Variants in NAXE observed in about 807,000 individuals in gnomAD.
NAXE encodes the protein NAD(P)H-hydrate epimerase.
Under a neutral mutation model 31.2 loss-of-function variants are expected in NAXE, and 25 were observed. That is an observed-to-expected ratio of 0.80 (90% CI 0.58 to 1.12). The LOEUF is 1.12. Ranked by LOEUF, NAXE falls within the 50% of genes most tolerant of loss-of-function variation. The pLI is 0.00. For synonymous variants in NAXE, 144 were observed against 154.5 expected, an observed-to-expected ratio of 0.93 and a Z score of 0.50; for missense variants, 362 against 376.1, an observed-to-expected ratio of 0.96 and a Z score of 0.31.
intron 4 of NAXE, 91 bp from the exon 5 acceptor site, chr1:156,593,317 G>T (rs1337217384): frequency 2.0e-6 from 3 of 1,485,288 alleles, no homozygotes; most frequent in Non-Finnish European, 2.7e-6. Flanking sequence ...GTGCCTCTGA[G>T]AATGGTCTGC....
chr1:156,593,576 G>C (rs369523294), intron 5 of NAXE, 21 bp downstream of exon 5: 4 of 1,613,914 alleles, frequency 2.5e-6, no homozygotes, highest in South Asian at 1.1e-5. Context: ...CCAGAAGGTG[G>C]GGTGGGGGAG....
Position 156,594,138 on chromosome 1 carries a change from G to C in NAXE, c.*54G>C. ...AAAGACTTAGAGCCCCTCTCTTCCA[G>C]AACTGTGGATTCCTGGGAGCTCCTC... On this transcript the variant is annotated 3_prime_UTR_variant, in exon 6 of 6. Coordinates refer to ENST00000368235, the MANE Select transcript of NAXE (RefSeq NM_144772.3). 1 of 1,579,110 alleles carries C rather than the reference G, an allele frequency of 6.3e-7. No individual in the cohort carries two copies. Among genetic ancestry groups the C allele is most frequent in the Non-Finnish European group, 8.7e-7 (1 of 1,151,724 alleles).
chr1:156,592,695 C>T (rs774491992), intron 4 of NAXE, 25 bp downstream of exon 4: 1 of 1,572,096 alleles, frequency 6.4e-7, no homozygotes, highest in Admixed American at 1.7e-5. Context: ...TTGAATACCT[C>T]CATCCTACAG....
At chr1:156,592,844 G>A (rs2102490212) in intron 4 of NAXE, 174 bp downstream of exon 4, 1 of 610,420 alleles carries the variant, frequency 1.6e-6, no homozygotes, top group Non-Finnish European at 2.8e-6. Flanking sequence ...TGTGCTCCAT[G>A]AGTCCCACAC....
rs1677348354 is a variant in NAXE at position 156,592,271 on chromosome 1, T to A, written c.291+62T>A. 3 of 1,606,918 alleles carry A rather than the reference T, an allele frequency of 1.9e-6. No homozygotes were observed. The African/African-American group carries it at 4.0e-5, about 22-fold the overall frequency. The stretch of plus-strand genomic sequence containing the variant: ...GGGAGGAGTCACTGTCCCAGCCCCC[T>A]GGCCTAGGCACAAAGGGGTGGGAGA... On this transcript the variant is annotated intron_variant, in intron 2 of 5. Coordinates refer to ENST00000368235, the MANE Select transcript of NAXE (RefSeq NM_144772.3).
intron 4 of NAXE, 45 bp from the exon 5 acceptor site, chr1:156,593,359 CTGTT>C (rs1183723113): frequency 6.3e-7 from 1 of 1,586,152 alleles, no homozygotes; most frequent in Non-Finnish European, 8.6e-7. Context: ...CCAGTTAAGG[CTGTT>C]TGTGCAGCTG....
At position 156,592,424 on chromosome 1, in the gene NAXE, G is replaced by A. The variant is rs749303284; in HGVS notation, c.351G>A (p.Pro117=). Residue 117 remains proline (P), a synonymous_variant, in exon 3 of 6, where the codon CCG becomes CCA. Coordinates refer to ENST00000368235, the MANE Select transcript of NAXE (RefSeq NM_144772.3). ...CTACTGTCCTGGTCATCTGTGGCCC[G>A]GGGAATAATGGAGGAGATGGTCTGG... The part of the protein sequence containing the change: ...SPPTVLVICG[P]GNNGGDGLVC... 4 of 1,614,194 alleles carry A rather than the reference G, an allele frequency of 2.5e-6. No individual in the cohort carries two copies. Among genetic ancestry groups the A allele is most frequent in the Non-Finnish European group, 2.5e-6 (3 of 1,180,034 alleles).
chr1:156,593,736 C>A, intron 5 of NAXE, 146 bp from the exon 6 acceptor site: 1 of 1,308,384 alleles, frequency 7.6e-7, no homozygotes, highest in Non-Finnish European at 1.1e-6. Context: ...GAAGAGACCA[C>A]GGCCCAAGGG....
chr1:156,593,895 G>A lies in NAXE; in HGVS notation c.678G>A (p.Glu226=), dbSNP rs747239956. 5.0e-6 allele frequency: 8 copies of A among 1,614,138 alleles called. No individual in the cohort carries two copies. The East Asian group carries it at 8.9e-5, about 18-fold the overall frequency. Reference sequence around the variant, plus strand: ...CCCTCTTTTCAGGATGGGACGTGGAGAAGGGAAATGCTGGAGGGATCCAGC... The same window carrying A: ...CCCTCTTTTCAGGATGGGACGTGGAAAAGGGAAATGCTGGAGGGATCCAGC... ...SIDIPSGWDV[E]KGNAGGIQPD... Residue 226 remains glutamate (E), a synonymous_variant, in exon 6 of 6, where the codon GAG becomes GAA. Coordinates refer to ENST00000368235, the MANE Select transcript of NAXE (RefSeq NM_144772.3).
At position 156,592,510 on chromosome 1, in the gene NAXE, G is replaced by A. The variant is rs1474830126; in HGVS notation, c.402+35G>A. The A allele has an allele frequency of 3.1e-6, 5 of 1,613,256 alleles. No homozygotes were observed. The East Asian group carries it at 6.7e-5, about 22-fold the overall frequency. On this transcript the variant is annotated intron_variant, in intron 3 of 5. Transcript: ENST00000368235. ...TGGGGAGGGGCTGTGGGGGAGGAGG[G>A]CGTGAGGGCTCTGGGATCTGGGGTT...
Position 156,593,871 on chromosome 1 carries a change from C to T in NAXE, c.665-11C>T, listed in dbSNP as rs753611728. 3.1e-6 allele frequency: 5 copies of T among 1,613,356 alleles called. No individual in the cohort carries two copies. The East Asian group carries it at 1.1e-4, about 36-fold the overall frequency. On this transcript the variant is annotated splice_polypyrimidine_tract_variant and intron_variant, in intron 5 of 5. Transcript: ENST00000368235. ...CATCTGGCCTCTTCCTGAACACCAC[C>T]CTCTTTTCAGGATGGGACGTGGAGA...
Position 156,593,523 on chromosome 1 carries a change from C to T in NAXE, c.632C>T (p.Thr211Ile), listed in dbSNP as rs747377910. ...ATCCTGAGTGTCCTGAAGGGACTCA[C>T]TGTGCCCATTGCCAGCATCGACATT... Reference protein sequence around the residue: ...HSILSVLKGLTVPIASIDIPS... With the variant: ...HSILSVLKGLIVPIASIDIPS... Residue 211 changes from threonine (T) to isoleucine (I), a missense_variant, in exon 5 of 6, where the codon ACT becomes ATT. Transcript: ENST00000368235. 7 of 1,614,094 alleles carry T rather than the reference C, an allele frequency of 4.3e-6. No individual in the cohort carries two copies. Among genetic ancestry groups the T allele is most frequent in the Non-Finnish European group, 5.9e-6 (7 of 1,180,050 alleles).
At position 156,594,049 on chromosome 1, in the gene NAXE, T is replaced by C; in HGVS notation, c.832T>C (p.Tyr278His). 1.2e-6 allele frequency: 2 copies of C among 1,613,504 alleles called. No individual in the cohort carries two copies. The highest frequency in any genetic ancestry group is 1.7e-6 in the Non-Finnish European group (2 of 1,179,786). The part of the protein sequence containing the change: ...EKKYQLNLPP[Y>H]PDTECVYRLQ ...GAAGTACCAGCTGAACCTGCCACCC[T>C]ACCCTGACACCGAGTGTGTCTATCG... The change falls in exon 6 of 6, where the codon TAC becomes CAC. Residue 278 changes from tyrosine (Y) to histidine (H), a missense_variant. By Grantham distance (83) the Tyr-to-His change is moderately conservative. Transcript: ENST00000368235.
Position 156,593,444 on chromosome 1 carries a change from G to A in NAXE, c.553G>A (p.Asp185Asn). 1 of 1,614,118 alleles carries A rather than the reference G, an allele frequency of 6.2e-7. No individual in the cohort carries two copies. Among genetic ancestry groups the A allele is most frequent in the Non-Finnish European group, 8.5e-7 (1 of 1,180,014 alleles). Residue 185 changes from aspartate (D) to asparagine (N), a missense_variant, in exon 5 of 6, where the codon GAT becomes AAT. Asp to Asn is a conservative substitution (Grantham distance 23). Coordinates refer to ENST00000368235, the MANE Select transcript of NAXE (RefSeq NM_144772.3). ...TGATGAACTGTATGAGCTGGTGGTGGATGCCATCTTTGGCTTCAGCTTCAA... is the reference window on the plus strand; with the variant it reads ...TGATGAACTGTATGAGCTGGTGGTGAATGCCATCTTTGGCTTCAGCTTCAA... ...TIDELYELVV[D>N]AIFGFSFKGD...
At position 156,591,857 on chromosome 1, in the gene NAXE, G is replaced by C. The variant is rs1284824097; in HGVS notation, c.53G>C (p.Arg18Pro). Residue 18 changes from arginine (R) to proline (P), a missense_variant, in exon 1 of 6, where the codon CGC becomes CCC. Arg to Pro is a moderately radical substitution (Grantham distance 103). Transcript: ENST00000368235. ...CTCGGGCTGCTGGTTGCGGGCTCGC[G>C]CGTGCCGCGGATCAAAAGCCAGACC... The part of the protein sequence containing the change: ...LGLGLLVAGS[R>P]VPRIKSQTIA... The C allele has an allele frequency of 6.2e-7, 1 of 1,610,844 alleles. No homozygotes were observed. The highest frequency in any genetic ancestry group is 8.5e-7 in the Non-Finnish European group (1 of 1,179,428).
Position 156,594,176 on chromosome 1 carries a change from T to A in NAXE, c.*92T>A. 1 of 1,385,040 alleles carries A rather than the reference T, an allele frequency of 7.2e-7. No homozygotes were observed. Among genetic ancestry groups the A allele is most frequent in the South Asian group, 1.3e-5 (1 of 79,434 alleles). The allele number at this position is 1,385,040 out of a possible 1,614,324, so 85.8% of individuals were successfully genotyped here. On this transcript the variant is annotated 3_prime_UTR_variant, in exon 6 of 6. Transcript: ENST00000368235. Reference sequence around the variant, plus strand: ...CTGGGAGCTCCTCTGGCAATAAAAGTCAGTGAATGGTGGAAGTCAGAGACC... The same window carrying A: ...CTGGGAGCTCCTCTGGCAATAAAAGACAGTGAATGGTGGAAGTCAGAGACC...
Position 156,591,835 on chromosome 1 carries a change from G to T in NAXE, c.31G>T (p.Gly11Trp), listed in dbSNP as rs1414114650. The T allele has an allele frequency of 1.2e-6, 2 of 1,607,986 alleles. No homozygotes were observed. Among genetic ancestry groups the T allele is most frequent in the East Asian group, 2.2e-5 (1 of 44,796 alleles). ...CAGGCTGCGGGCGCTGCTGGGCCTCGGGCTGCTGGTTGCGGGCTCGCGCGT... is the reference window on the plus strand; with the variant it reads ...CAGGCTGCGGGCGCTGCTGGGCCTCTGGCTGCTGGTTGCGGGCTCGCGCGT... MSRLRALLGLGLLVAGSRVPR... is the reference protein window; with the variant it reads MSRLRALLGLWLLVAGSRVPR... Residue 11 changes from glycine to tryptophan, a missense_variant, in exon 1 of 6, where the codon GGG becomes TGG. Coordinates refer to ENST00000368235, the MANE Select transcript of NAXE (RefSeq NM_144772.3).
rs886041064 is a variant in NAXE at position 156,593,544 on chromosome 1, A to T, written c.653A>T (p.Asp218Val). The T allele has an allele frequency of 1.2e-6, 2 of 1,614,164 alleles. No individual in the cohort carries two copies. The highest frequency in any genetic ancestry group is 8.5e-7 in the Non-Finnish European group (1 of 1,180,038). The part of the protein sequence containing the change: ...KGLTVPIASI[D>V]IPSGWDVEKG... ...CTCACTGTGCCCATTGCCAGCATCG[A>T]CATTCCCTCAGGTGCTGGGATCCAG... is the stretch of plus-strand genomic sequence containing the variant. Residue 218 changes from aspartate (D) to valine (V), a missense_variant, in exon 5 of 6, where the codon GAC becomes GTC. Transcript: ENST00000368235.
In NAXE at chr1:156,592,566, C is replaced by T. The variant is rs1677361334; in HGVS notation, c.412C>T (p.Pro138Ser). 2.5e-6 allele frequency: 4 copies of T among 1,614,066 alleles called. No individual in the cohort carries two copies. The highest frequency in any genetic ancestry group is 3.4e-6 in the Non-Finnish European group (4 of 1,179,978). ...ACCACTTTCTTCCTAGGGCTACGAG[C>T]CAACCATCTATTACCCCAAAAGGCC... The part of the protein sequence containing the change: ...ARHLKLFGYE[P>S]TIYYPKRPNK... Residue 138 changes from proline (P) to serine (S), a missense_variant, in exon 4 of 6, where the codon CCA (proline) becomes TCA (serine). Coordinates refer to ENST00000368235, the MANE Select transcript of NAXE (RefSeq NM_144772.3).
Sources: gnomAD v4.1 joint callset for allele counts on GRCh38, gnomAD v4.1.1 for gene constraint, MANE v1.5 for transcripts, NCBI Gene and HGNC (gene_info 2026-07-23, HGNC 2026-07-21) for gene names.